ZFPM2: variants seen among roughly 807,000 people sequenced by gnomAD.
ZFPM2 encodes zinc finger protein ZFPM2.
Under a neutral mutation model 98.6 loss-of-function variants are expected in ZFPM2, and 20 were observed. The observed-to-expected ratio is 0.20, with a 90% CI of 0.14 to 0.29. The LOEUF (loss-of-function observed/expected upper bound fraction) is 0.29, where lower values mean the gene tolerates loss of function less well. Among genes scored for constraint, ZFPM2 ranks in the 10% least tolerant of loss-of-function variants. ZFPM2 has a pLI of 1.00. For synonymous variants in ZFPM2, 518 were observed against 502.7 expected, an observed-to-expected ratio of 1.03 and a Z score of -0.41; for missense variants, 1,310 against 1,388.6, an observed-to-expected ratio of 0.94 and a Z score of 0.90.
At chr8:105,575,731 T>A (rs577617305) in intron 4 of ZFPM2, among the ~76,000 whole-genome samples, 7 of 152,184 alleles carry the variant, frequency 4.6e-5, no homozygotes, top group Non-Finnish European at 8.8e-5. Context: ...TAGGTCACTT[T>A]TATTCTGTTG....
intron 5 of ZFPM2, among the ~76,000 whole-genome samples, chr8:105,770,225 T>C (rs1367187628): frequency 6.6e-6 from 1 of 151,992 alleles, no homozygotes; most frequent in Non-Finnish European, 1.5e-5. Context: ...AGTAACAGTG[T>C]TCCCCTCACA....
chr8:105,322,774 G>A (rs1282766915), intron 1 of ZFPM2, among the ~76,000 whole-genome samples: 1 of 152,014 alleles, frequency 6.6e-6, no homozygotes, highest in East Asian at 1.9e-4. Flanking sequence ...AAAGTAAAAT[G>A]TTCTGGTTAG....
intron 1 of ZFPM2, among the ~76,000 whole-genome samples, chr8:105,380,211 T>C (rs1452488184): frequency 1.3e-5 from 2 of 152,076 alleles, no homozygotes; most frequent in African/African-American, 4.8e-5. Context: ...TATAGAAATA[T>C]TTGCTATATT....
intron 4 of ZFPM2, among the ~76,000 whole-genome samples, chr8:105,596,792 A>G (rs1399053998): frequency 1.5e-5 from 2 of 137,336 alleles, no homozygotes; most frequent in African/African-American, 5.5e-5. Context: ...TCCTGAGCAG[A>G]TAGAGCAGAT....
At chr8:105,469,598 A>C (rs1219439958) in intron 3 of ZFPM2, among the ~76,000 whole-genome samples, 1 of 152,224 alleles carries the variant, frequency 6.6e-6, no homozygotes, top group Non-Finnish European at 1.5e-5. Context: ...TCTAGCTCTG[A>C]GACTTTGAGC....
chr8:105,533,864 TCTCC>T (rs1242007247), intron 3 of ZFPM2, among the ~76,000 whole-genome samples: 1 of 24,864 alleles, frequency 4.0e-5, no homozygotes, highest in Non-Finnish European at 6.5e-5. Context: ...TTCCTCCCTT[TCTCC>T]CTCCCTCCCT....
intron 4 of ZFPM2, among the ~76,000 whole-genome samples, chr8:105,575,658 A>C (rs1815450605): frequency 6.6e-6 from 1 of 152,222 alleles, no homozygotes; most frequent in African/African-American, 2.4e-5. Context: ...TAGTCAATCC[A>C]GGTCAAAAAG....
At chr8:105,381,893 A>T (rs1810896691) in intron 1 of ZFPM2, among the ~76,000 whole-genome samples, 1 of 152,106 alleles carries the variant, frequency 6.6e-6, no homozygotes, top group Admixed American at 6.6e-5. Context: ...TCAACATGAT[A>T]TAGGCTATAA....
intron 1 of ZFPM2, among the ~76,000 whole-genome samples, chr8:105,402,437 G>A (rs1441922570): frequency 1.3e-5 from 2 of 151,796 alleles, no homozygotes; most frequent in African/African-American, 2.4e-5. Flanking sequence ...CTATTCAATG[G>A]TATCTGAAAA....
At chr8:105,552,783 G>C (rs1282261997) in intron 3 of ZFPM2, among the ~76,000 whole-genome samples, 1 of 145,954 alleles carries the variant, frequency 6.9e-6, no homozygotes, top group African/African-American at 2.5e-5. Flanking sequence ...AGGTCTTCTA[G>C]TTATTTCATG....
intron 3 of ZFPM2, among the ~76,000 whole-genome samples, chr8:105,534,279 C>A: frequency 1.1e-5 from 1 of 92,150 alleles, no homozygotes; most frequent in African/African-American, 4.5e-5. Flanking sequence ...TCCTTCTTTC[C>A]CTCCCTCCCT....
At chr8:105,477,054 G>T (rs1201289423) in intron 3 of ZFPM2, among the ~76,000 whole-genome samples, 1 of 152,024 alleles carries the variant, frequency 6.6e-6, no homozygotes, top group Non-Finnish European at 1.5e-5. Flanking sequence ...AAAAGGAAAT[G>T]TTTATAGTAA....
chr8:105,551,242 C>A (rs187271960), intron 3 of ZFPM2, among the ~76,000 whole-genome samples: 2 of 152,258 alleles, frequency 1.3e-5, no homozygotes, highest in East Asian at 3.9e-4. Context: ...TTTAGTACTG[C>A]ATAGGACTTA....
intron 3 of ZFPM2, among the ~76,000 whole-genome samples, chr8:105,468,102 TAAACAA>T (rs1812828112): frequency 6.6e-6 from 1 of 151,998 alleles, no homozygotes; most frequent in South Asian, 2.1e-4. Flanking sequence ...TCATCTTTGT[TAAACAA>T]ACCATCCTTA....
chr8:105,337,147 A>G (rs903968153), intron 1 of ZFPM2, among the ~76,000 whole-genome samples: 21 of 151,702 alleles, frequency 1.4e-4, no homozygotes, highest in Admixed American at 3.3e-4. Flanking sequence ...TGCTATTTCT[A>G]TCTCATCATT....
At chr8:105,616,560 C>G (rs1405340477) in intron 4 of ZFPM2, 1 of 186,556 alleles carries the variant, frequency 5.4e-6, no homozygotes, top group Non-Finnish European at 1.2e-5. Context: ...TTACCCAAAT[C>G]AGTACACACA....
intron 2 of ZFPM2, among the ~76,000 whole-genome samples, chr8:105,427,179 T>G (rs945933405): frequency 6.6e-6 from 1 of 152,204 alleles, no homozygotes; most frequent in Non-Finnish European, 1.5e-5. Context: ...TATTCTTGGT[T>G]TTGATGGAAT....
intron 6 of ZFPM2, among the ~76,000 whole-genome samples, chr8:105,796,303 G>A (rs1162013400): frequency 8.4e-6 from 1 of 119,280 alleles, no homozygotes; most frequent in African/African-American, 4.9e-5. Flanking sequence ...AGTGGAGAGT[G>A]TACTCTATTT....
chr8:105,474,890 C>A (rs1216506374), intron 3 of ZFPM2, among the ~76,000 whole-genome samples: 1 of 152,096 alleles, frequency 6.6e-6, no homozygotes, highest in African/African-American at 2.4e-5. Context: ...CACAGCTTCC[C>A]AGGCCTATCT....
Sources: allele counts gnomAD v4.1 joint callset (sites outside exome capture counted in the v4.1 genomes callset), GRCh38; gene constraint gnomAD v4.1.1; transcripts MANE v1.5; gene names NCBI Gene and HGNC (gene_info 2026-07-23, HGNC 2026-07-21).